The following SLIT3 variants were observed in gnomAD, a reference collection of about 807,000 sequenced individuals.
SLIT3 encodes the protein slit guidance ligand 3.
A neutral mutation model predicts 184.0 loss-of-function variants in SLIT3; 68 were observed. The ratio of observed to expected loss-of-function variants is 0.37; its 90% CI spans 0.30 to 0.45. The LOEUF (loss-of-function observed/expected upper bound fraction) is 0.45, where lower values mean the gene tolerates loss of function less well. Ranked by LOEUF, SLIT3 falls within the 20% of genes least tolerant of loss-of-function variation. The probability of loss-of-function intolerance (pLI) is 1.00; values close to 1 mark genes in which losing one functional copy is unlikely to be tolerated. For synonymous variants in SLIT3, 831 were observed against 828.6 expected (o/e 1.00, Z -0.05); for missense variants, 1,707 against 2,026.0 (o/e 0.84, Z 3.02).
intron 20 of SLIT3, among the ~76,000 whole-genome samples, chr5:168,736,739 A>AGTGCC (rs1561901574): frequency 6.6e-5 from 10 of 151,580 alleles, no homozygotes; most frequent in African/African-American, 2.2e-4. Context: ...TGCAATGCAG[A>AGTGCC]TGTCAGTTTT....
In SLIT3 at chr5:168,664,869, GAGGCAGAGGCTGGAT is replaced by G. The variant is rs1402616587; in HGVS notation, c.*1570_*1584del. The G allele has an allele frequency of 1.3e-5, 2 of 152,268 alleles. No homozygotes were observed. The highest frequency in any genetic ancestry group is 2.9e-5 in the Non-Finnish European group (2 of 68,082). The allele number at this position is 152,268 out of a possible 1,614,324, so 9.4% of individuals were successfully genotyped here. ...GGCAGGGAAGTCCCCTTCAGGAATG[GAGGCAGAGGCTGGAT>G]AGGCTGCCCTTGGTCACTTTCCCTA... On this transcript the variant is annotated 3_prime_UTR_variant, in exon 36 of 36. Coordinates refer to ENST00000519560, the MANE Select transcript of SLIT3 (RefSeq NM_003062.4).
chr5:168,776,875 A>C (rs1267229777), intron 12 of SLIT3, among the ~76,000 whole-genome samples: 1 of 152,044 alleles, frequency 6.6e-6, no homozygotes, highest in Non-Finnish European at 1.5e-5. Context: ...TTTTGTTCTA[A>C]ACCTTGACAT....
intron 4 of SLIT3, among the ~76,000 whole-genome samples, chr5:169,142,217 T>G (rs1761772818): frequency 6.6e-6 from 1 of 152,186 alleles, no homozygotes; most frequent in South Asian, 2.1e-4. Context: ...TTAACTTTAT[T>G]TATACTCTGG....
In SLIT3 at chr5:168,748,339, C is replaced by A; in HGVS notation, c.2233G>T (p.Ala745Ser). Residue 745 changes from alanine (A) to serine (S), a missense_variant, in exon 20 of 36, where the codon GCC becomes TCC. Coordinates refer to ENST00000519560, the MANE Select transcript of SLIT3 (RefSeq NM_003062.4). ...TCCTTGGGCATGCCTCTGGGGAGGG[C>A]GCGGAGCCCCTTGTTGCTGCATCGC... ...VVRCSNKGLR[A>S]LPRGMPKDVT... 1 of 1,492,572 alleles carries A rather than the reference C, an allele frequency of 6.7e-7. No individual in the cohort carries two copies. The highest frequency in any genetic ancestry group is 8.9e-7 in the Non-Finnish European group (1 of 1,127,418). 92.5% of individuals were successfully genotyped at this position (1,492,572 alleles called of 1,614,324 possible).
intron 29 of SLIT3, among the ~76,000 whole-genome samples, chr5:168,687,583 T>C (rs1271010450): frequency 6.6e-6 from 1 of 152,216 alleles, no homozygotes; most frequent in African/African-American, 2.4e-5. Context: ...CGAGTGATAA[T>C]ACTTAGTTTA....
At chr5:169,007,341 T>C (rs974926247) in intron 4 of SLIT3, among the ~76,000 whole-genome samples, 2 of 152,240 alleles carry the variant, frequency 1.3e-5, no homozygotes, top group African/African-American at 4.8e-5. Flanking sequence ...CTCAGTATCT[T>C]GGATGTTTTC....
chr5:169,150,056 T>G (rs758587522), intron 4 of SLIT3, among the ~76,000 whole-genome samples: 16 of 152,222 alleles, frequency 1.1e-4, no homozygotes, highest in Non-Finnish European at 2.1e-4. Context: ...GGAAGTTAGA[T>G]GCCAAAACCA....
intron 4 of SLIT3, among the ~76,000 whole-genome samples, chr5:169,073,835 T>C (rs1758642201): frequency 6.6e-6 from 1 of 152,172 alleles, no homozygotes; most frequent in Non-Finnish European, 1.5e-5. Flanking sequence ...ACACTTCCTG[T>C]ACAGCCTGCA....
chr5:168,994,876 A>C (rs1755459622), intron 4 of SLIT3, among the ~76,000 whole-genome samples: 1 of 151,750 alleles, frequency 6.6e-6, no homozygotes, highest in South Asian at 2.1e-4. Context: ...TCCTGACTTT[A>C]AGTGATCCAC....
chr5:168,737,586 C>A (rs1763480337), intron 20 of SLIT3, among the ~76,000 whole-genome samples: 1 of 152,198 alleles, frequency 6.6e-6, no homozygotes, highest in South Asian at 2.1e-4. Flanking sequence ...TCCTTCCCCC[C>A]TCTTTTCCTT....
At position 169,207,378 on chromosome 5, in the gene SLIT3, C is replaced by T. The variant is rs62376888; in HGVS notation, c.342-13828G>A. On this transcript the variant is annotated intron_variant, in intron 3 of 35. Coordinates refer to ENST00000519560, the MANE Select transcript of SLIT3 (RefSeq NM_003062.4). ...TTTTACATACACATACATACACACA[C>T]ACACACACACACACACACACACACA... is the stretch of plus-strand genomic sequence containing the variant. Among the ~76,000 whole-genome samples, 255 of 94,568 alleles carry T rather than the reference C, an allele frequency of 2.7e-3. 2 individuals are homozygous for T. In the East Asian group the frequency reaches 0.035, roughly 13 times the overall value. 62.0% of individuals were successfully genotyped at this position (94,568 alleles called of 152,430 possible). A position where few individuals can be genotyped will look rare whatever the true frequency, so the allele number is the denominator to read the frequency against.
At chr5:168,876,062 G>A (rs981447404) in intron 5 of SLIT3, among the ~76,000 whole-genome samples, 2 of 152,106 alleles carry the variant, frequency 1.3e-5, no homozygotes, top group African/African-American at 4.8e-5. Flanking sequence ...CATTTGAGAC[G>A]AGAGCCAGGC....
At chr5:169,256,585 C>T (rs1237938850) in intron 1 of SLIT3, among the ~76,000 whole-genome samples, 1 of 152,160 alleles carries the variant, frequency 6.6e-6, no homozygotes. Flanking sequence ...TGTCTTAACG[C>T]ATGAAGTTTT....
rs759111544 is a variant in SLIT3 at position 168,823,278 on chromosome 5, A to T, written c.611T>A (p.Met204Lys). ...TACTCACAGAGTTCGGATCTTCGGC[A>T]TGTGGTTGAAGCTGGTGACCAGGAT... ...SRILVTSFNHMPKIRTLRLHS... is the reference protein window; with the variant it reads ...SRILVTSFNHKPKIRTLRLHS... The change falls in exon 7 of 36, where the codon ATG becomes AAG. Residue 204 changes from methionine to lysine, a missense_variant. Physicochemically the swap from Met to Lys is moderately conservative, Grantham distance 95. Coordinates refer to ENST00000519560, the MANE Select transcript of SLIT3 (RefSeq NM_003062.4). 6.8e-6 allele frequency: 11 copies of T among 1,613,920 alleles called. No individual in the cohort carries two copies. Among genetic ancestry groups the T allele is most frequent in the Non-Finnish European group, 9.3e-6 (11 of 1,179,906 alleles).
chr5:168,885,394 C>T (rs948341315), intron 4 of SLIT3, among the ~76,000 whole-genome samples: 6 of 152,210 alleles, frequency 3.9e-5, no homozygotes, highest in African/African-American at 7.2e-5. Context: ...GGAGTCGGGG[C>T]GCTGAACAAA....
At chr5:168,793,152 G>C (rs183200483) in intron 10 of SLIT3, among the ~76,000 whole-genome samples, 1 of 152,276 alleles carries the variant, frequency 6.6e-6, no homozygotes, top group Admixed American at 6.5e-5. Context: ...TTTGTACTTG[G>C]AATGTTTTTT....
intron 4 of SLIT3, among the ~76,000 whole-genome samples, chr5:169,189,171 A>T (rs936266601): frequency 6.6e-6 from 1 of 152,022 alleles, no homozygotes; most frequent in Non-Finnish European, 1.5e-5. Flanking sequence ...TAATACACAC[A>T]TGAGTCGGAT....
intron 4 of SLIT3, among the ~76,000 whole-genome samples, chr5:168,986,837 T>C (rs1485777955): frequency 6.6e-6 from 1 of 152,212 alleles, no homozygotes; most frequent in African/African-American, 2.4e-5. Context: ...GAGATACATA[T>C]ATAAAAAGCC....
chr5:169,229,009 G>A (rs1412476114), intron 3 of SLIT3, among the ~76,000 whole-genome samples: 3 of 152,110 alleles, frequency 2.0e-5, no homozygotes, highest in Non-Finnish European at 4.4e-5. Flanking sequence ...CAGCTCTCTC[G>A]TTAAAGGTCA....
Sources: allele counts gnomAD v4.1 joint callset (sites outside exome capture counted in the v4.1 genomes callset), GRCh38; gene constraint gnomAD v4.1.1; transcripts MANE v1.5; gene names NCBI Gene and HGNC (gene_info 2026-07-23, HGNC 2026-07-21).